Variants in IMMP2L observed in about 807,000 individuals in gnomAD.
IMMP2L encodes the protein mitochondrial inner membrane protease subunit 2.
Under a neutral mutation model 19.3 loss-of-function variants are expected in IMMP2L, and 18 were observed. The observed-to-expected ratio is 0.93, with a 90% CI of 0.64 to 1.38. The LOEUF is 1.38. Ranked by LOEUF, IMMP2L falls within the 40% of genes most tolerant of loss-of-function variation. IMMP2L has a pLI of 0.00. For missense variants in IMMP2L, 233 were observed against 218.2 expected (o/e 1.07, Z -0.43); for synonymous variants, 76 against 73.0 (o/e 1.04, Z -0.21).
chr7:111,212,090 A>G (rs1196506845), intron 3 of IMMP2L, among the ~76,000 whole-genome samples: 1 of 152,074 alleles, frequency 6.6e-6, no homozygotes, highest in Admixed American at 6.5e-5. Flanking sequence ...AATCATCCTA[A>G]GCATTTGTAT....
intron 3 of IMMP2L, among the ~76,000 whole-genome samples, chr7:111,357,325 A>G (rs188672467): frequency 1.3e-5 from 2 of 152,246 alleles, no homozygotes; most frequent in East Asian, 3.9e-4. Flanking sequence ...TTCCAACAAT[A>G]ACAATTTTCT....
At position 111,159,776 on chromosome 7, in the gene IMMP2L, A is replaced by T. The variant is rs532169719; in HGVS notation, c.240-196211T>A. ...ACAGACACATTTAAAAAGGAAAAAA[A>T]GTGAACTTTTGATAATATATTTTAC... On this transcript the variant is annotated intron_variant, in intron 3 of 5. Transcript: ENST00000405709. 9.8e-3 allele frequency among the ~76,000 whole-genome samples: 1,485 copies of T among 152,296 alleles called. 8 individuals carry two copies. The highest frequency in any genetic ancestry group is 0.016 in the Non-Finnish European group (1,115 of 68,016).
chr7:111,105,175 G>A (rs1798408727), intron 3 of IMMP2L, among the ~76,000 whole-genome samples: 1 of 151,758 alleles, frequency 6.6e-6, no homozygotes, highest in African/African-American at 2.4e-5. Context: ...CCTTTGAAGT[G>A]CCCTTTAAAA....
chr7:111,429,843 A>G (rs1466771751), intron 3 of IMMP2L, among the ~76,000 whole-genome samples: 1 of 151,908 alleles, frequency 6.6e-6, no homozygotes, highest in Non-Finnish European at 1.5e-5. Context: ...TATTGGACAT[A>G]TTGGCCTGTA....
intron 3 of IMMP2L, among the ~76,000 whole-genome samples, chr7:110,967,206 G>A (rs1405155286): frequency 1.3e-5 from 2 of 151,998 alleles, no homozygotes; most frequent in Non-Finnish European, 2.9e-5. Flanking sequence ...AGGCCAAGGA[G>A]TGGGGTCTAA....
At chr7:111,388,296 G>C (rs903216636) in intron 3 of IMMP2L, among the ~76,000 whole-genome samples, 11 of 151,974 alleles carry the variant, frequency 7.2e-5, no homozygotes, top group Non-Finnish European at 2.9e-5. Context: ...GTATAAAAAG[G>C]GGAAATTGGG....
chr7:111,442,309 A>C (rs1052074892), intron 3 of IMMP2L, among the ~76,000 whole-genome samples: 1 of 151,810 alleles, frequency 6.6e-6, no homozygotes, highest in African/African-American at 2.4e-5. Flanking sequence ...GTATAGTTCT[A>C]CTTCCTTAGT....
At chr7:110,930,525 A>G (rs1261520750) in intron 4 of IMMP2L, among the ~76,000 whole-genome samples, 1 of 152,136 alleles carries the variant, frequency 6.6e-6, no homozygotes, top group African/African-American at 2.4e-5. Context: ...AGGTTATATT[A>G]TTTCTACTTT....
chr7:110,993,586 A>G (rs1563141970), intron 3 of IMMP2L, among the ~76,000 whole-genome samples: 1 of 150,520 alleles, frequency 6.6e-6, no homozygotes, highest in Admixed American at 6.6e-5. Context: ...TTTACCTATT[A>G]GATTTCATGA....
chr7:110,974,099 G>A (rs999451862), intron 3 of IMMP2L, among the ~76,000 whole-genome samples: 1 of 152,054 alleles, frequency 6.6e-6, no homozygotes, highest in Non-Finnish European at 1.5e-5. Flanking sequence ...AGGCCAAAAA[G>A]AATTAATGGA....
intron 5 of IMMP2L, among the ~76,000 whole-genome samples, chr7:110,814,302 G>C (rs1368003245): frequency 6.6e-6 from 1 of 151,670 alleles, no homozygotes; most frequent in Non-Finnish European, 1.5e-5. Flanking sequence ...GGGCCTACTT[G>C]AGGTTATCAG....
chr7:111,125,749 A>T (rs1322466428), intron 3 of IMMP2L, among the ~76,000 whole-genome samples: 3 of 151,932 alleles, frequency 2.0e-5, no homozygotes, highest in Non-Finnish European at 4.4e-5. Flanking sequence ...AGATAATATA[A>T]ATTCAGTATC....
At chr7:110,741,629 C>T (rs1462214908) in intron 5 of IMMP2L, among the ~76,000 whole-genome samples, 3 of 152,086 alleles carry the variant, frequency 2.0e-5, no homozygotes, top group African/African-American at 7.2e-5. Flanking sequence ...CAATAAATGT[C>T]TATTGTTTAT....
chr7:111,557,920 A>C (rs536319568), intron 1 of IMMP2L, among the ~76,000 whole-genome samples: 11 of 152,218 alleles, frequency 7.2e-5, no homozygotes, highest in African/African-American at 2.6e-4. Flanking sequence ...AGAAAAAAAA[A>C]CACCAGATCT....
intron 5 of IMMP2L, among the ~76,000 whole-genome samples, chr7:110,697,827 CATT>C (rs1750705297): frequency 6.6e-6 from 1 of 152,050 alleles, no homozygotes. Context: ...ATTCTTAAGA[CATT>C]ATCTCAAAAG....
intron 5 of IMMP2L, among the ~76,000 whole-genome samples, chr7:110,863,269 G>A (rs1807636905): frequency 6.6e-6 from 1 of 152,014 alleles, no homozygotes; most frequent in African/African-American, 2.4e-5. Context: ...TGGGTCACGG[G>A]GGATCAGCTT....
chr7:110,904,142 T>G (rs1812211190), intron 4 of IMMP2L, among the ~76,000 whole-genome samples: 1 of 152,320 alleles, frequency 6.6e-6, no homozygotes, highest in South Asian at 2.1e-4. Context: ...GCATTTGTGG[T>G]TTGCATATAG....
At chr7:111,027,201 A>C (rs748886533) in intron 3 of IMMP2L, among the ~76,000 whole-genome samples, 1 of 152,146 alleles carries the variant, frequency 6.6e-6, no homozygotes, top group Non-Finnish European at 1.5e-5. Context: ...CAAACAACTC[A>C]GTATGGTAGA....
chr7:111,309,881 G>C (rs988038228), intron 3 of IMMP2L, among the ~76,000 whole-genome samples: 2 of 152,040 alleles, frequency 1.3e-5, no homozygotes, highest in African/African-American at 4.8e-5. Flanking sequence ...AAAATATTTT[G>C]ATGGCACTAT....
Sources: gnomAD v4.1 joint callset for allele counts (sites outside exome capture counted in the v4.1 genomes callset) on GRCh38, gnomAD v4.1.1 for gene constraint, MANE v1.5 for transcripts, NCBI Gene and HGNC (gene_info 2026-07-23, HGNC 2026-07-21) for gene names.